The following ELMO1 variants were observed in gnomAD, a reference collection of about 807,000 sequenced individuals.
ELMO1 encodes engulfment and cell motility 1.
ELMO1 carries 26 observed loss-of-function variants against 98.9 expected under a neutral mutation model. That is an observed-to-expected ratio of 0.26 (90% CI 0.19 to 0.36). The LOEUF is 0.36. ELMO1 is among the 10% of genes least tolerant of loss of function. ELMO1 has a pLI of 1.00. For missense variants in ELMO1, 627 were observed against 935.2 expected (o/e 0.67, Z 4.30); for synonymous variants, 346 against 346.0 (o/e 1.00, Z 0.00).
rs534562224 is a variant in ELMO1 at position 36,965,165 on chromosome 7, C to A, written c.1437+48134G>T. Among the ~76,000 whole-genome samples, 7 of 152,256 alleles carry A rather than the reference C, an allele frequency of 4.6e-5. No homozygotes were observed. In the East Asian group the frequency reaches 7.7e-4, roughly 17 times the overall value. On this transcript the variant is annotated intron_variant, in intron 16 of 21. Coordinates refer to ENST00000310758, the MANE Select transcript of ELMO1 (RefSeq NM_014800.11). ...CCCAACCATCCTTTCCCCATGAGTT[C>A]TCTCCCTAAGATCCGTTTCTCCCCA...
At chr7:37,390,467 C>A (rs1157764433) in intron 1 of ELMO1, among the ~76,000 whole-genome samples, 1 of 150,526 alleles carries the variant, frequency 6.6e-6, no homozygotes, top group Non-Finnish European at 1.5e-5. Context: ...TTTTTTTTTT[C>A]TTCTGACTCC....
intron 7 of ELMO1, among the ~76,000 whole-genome samples, chr7:37,238,296 G>T (rs1030561346): frequency 6.6e-6 from 1 of 152,024 alleles, no homozygotes; most frequent in Non-Finnish European, 1.5e-5. Flanking sequence ...TAAAAATAAA[G>T]ATTTATTTCT....
chr7:37,411,558 T>C (rs910267149), intron 1 of ELMO1, among the ~76,000 whole-genome samples: 5 of 152,222 alleles, frequency 3.3e-5, no homozygotes, highest in African/African-American at 1.2e-4. Flanking sequence ...CTCTATTGTA[T>C]TAGAGGGTCC....
chr7:37,392,568 C>T (rs945392937), intron 1 of ELMO1, among the ~76,000 whole-genome samples: 1 of 152,180 alleles, frequency 6.6e-6, no homozygotes, highest in Non-Finnish European at 1.5e-5. Flanking sequence ...CAAGGGAGGG[C>T]AGCCCCACTC....
At chr7:37,272,009 T>A in intron 4 of ELMO1, 127 bp from the exon 5 acceptor site, 1 of 772,310 alleles carries the variant, frequency 1.3e-6, no homozygotes, top group Non-Finnish European at 2.1e-6. Flanking sequence ...AATTTTTAAT[T>A]ATTTCTATAA....
intron 5 of ELMO1, among the ~76,000 whole-genome samples, chr7:37,268,458 T>C (rs186247460): frequency 1.2e-4 from 19 of 152,238 alleles, no homozygotes; most frequent in Admixed American, 9.8e-4. Context: ...CCACCACCAT[T>C]CTCGGCTAAT....
At chr7:37,376,691 T>A (rs568917769) in intron 1 of ELMO1, among the ~76,000 whole-genome samples, 30 of 152,200 alleles carry the variant, frequency 2.0e-4, no homozygotes, top group African/African-American at 7.2e-4. Context: ...ACCACCAAAT[T>A]GTCCTTTAAA....
At chr7:37,389,853 A>G (rs896069608) in intron 1 of ELMO1, among the ~76,000 whole-genome samples, 1 of 152,244 alleles carries the variant, frequency 6.6e-6, no homozygotes, top group African/African-American at 2.4e-5. Context: ...AGCATGTGCA[A>G]CCCTCATTAG....
chr7:37,007,621 T>A (rs1793235601), intron 16 of ELMO1, among the ~76,000 whole-genome samples: 1 of 152,182 alleles, frequency 6.6e-6, no homozygotes, highest in South Asian at 2.1e-4. Flanking sequence ...TATATAATTG[T>A]CCCCTGAAAA....
At chr7:37,122,345 T>C (rs535525983) in intron 14 of ELMO1, among the ~76,000 whole-genome samples, 3 of 152,152 alleles carry the variant, frequency 2.0e-5, no homozygotes, top group South Asian at 2.1e-4. Context: ...GACTGGCAAA[T>C]TGGATAATGA....
chr7:37,141,110 T>C (rs1787608839), intron 13 of ELMO1, among the ~76,000 whole-genome samples: 1 of 152,162 alleles, frequency 6.6e-6, no homozygotes, highest in Admixed American at 6.5e-5. Flanking sequence ...AATTTGCAAC[T>C]GCAAAAATAT....
At chr7:36,967,972 A>G (rs1466103606) in intron 16 of ELMO1, among the ~76,000 whole-genome samples, 1 of 152,228 alleles carries the variant, frequency 6.6e-6, no homozygotes, top group Non-Finnish European at 1.5e-5. Context: ...TTTTTGTTTT[A>G]GTAAGTTTAT....
chr7:37,346,712 C>T (rs1801027145), intron 1 of ELMO1, among the ~76,000 whole-genome samples: 1 of 152,186 alleles, frequency 6.6e-6, no homozygotes, highest in Non-Finnish European at 1.5e-5. Context: ...AGAAAGCATA[C>T]ACAATCGTGG....
At chr7:37,324,160 C>T (rs1799670557) in intron 2 of ELMO1, among the ~76,000 whole-genome samples, 2 of 152,196 alleles carry the variant, frequency 1.3e-5, no homozygotes, top group Non-Finnish European at 1.5e-5. Context: ...TGCGCAGCCA[C>T]CTGTTCCTGT....
chr7:36,941,665 G>A (rs1787047986), intron 16 of ELMO1, among the ~76,000 whole-genome samples: 1 of 152,218 alleles, frequency 6.6e-6, no homozygotes, highest in Admixed American at 6.5e-5. Flanking sequence ...AGGGCCATTA[G>A]AATAGAATGC....
intron 6 of ELMO1, among the ~76,000 whole-genome samples, chr7:37,255,895 C>T (rs1383856874): frequency 6.6e-6 from 1 of 152,128 alleles, no homozygotes; most frequent in Non-Finnish European, 1.5e-5. Context: ...CACCAGAAGC[C>T]GTGGGGGGTA....
chr7:37,244,660 A>T (rs1232895411), intron 6 of ELMO1, among the ~76,000 whole-genome samples: 2 of 152,240 alleles, frequency 1.3e-5, no homozygotes, highest in Non-Finnish European at 2.9e-5. Flanking sequence ...AAAACCGTCC[A>T]TTTAGATCAG....
At chr7:37,035,473 T>C (rs1210177485) in intron 15 of ELMO1, among the ~76,000 whole-genome samples, 1 of 152,344 alleles carries the variant, frequency 6.6e-6, no homozygotes, top group Admixed American at 6.5e-5. Flanking sequence ...AAGTGAAAGA[T>C]TTTTGTACCT....
At chr7:36,899,763 CCCA>C (rs2129058189) in intron 16 of ELMO1, among the ~76,000 whole-genome samples, 1 of 130,244 alleles carries the variant, frequency 7.7e-6, no homozygotes, top group African/African-American at 2.8e-5. Context: ...TGGATAATGC[CCCA>C]CATCCTTTAT....
Sources: gnomAD v4.1 joint callset for allele counts (sites outside exome capture counted in the v4.1 genomes callset) on GRCh38, gnomAD v4.1.1 for gene constraint, MANE v1.5 for transcripts, NCBI Gene and HGNC (gene_info 2026-07-23, HGNC 2026-07-21) for gene names.